Variants in ADAMTS19 observed in about 807,000 individuals in gnomAD.
ADAMTS19 encodes ADAM metallopeptidase with thrombospondin type 1 motif 19.
Under a neutral mutation model 153.3 loss-of-function variants are expected in ADAMTS19, and 93 were observed. The observed-to-expected ratio is 0.61, with a 90% CI of 0.51 to 0.72. The LOEUF is 0.72. ADAMTS19 is among the 30% of genes least tolerant of loss of function. The probability of loss-of-function intolerance (pLI) is 0.00; values close to 1 mark genes in which losing one functional copy is unlikely to be tolerated. For missense variants in ADAMTS19, 1,482 were observed against 1,552.1 expected, an observed-to-expected ratio of 0.95 and a Z score of 0.76; for synonymous variants, 600 against 556.6, an observed-to-expected ratio of 1.08 and a Z score of -1.10.
intron 10 of ADAMTS19, among the ~76,000 whole-genome samples, chr5:129,637,996 AG>A (rs1477863874): frequency 1.3e-5 from 2 of 152,154 alleles, no homozygotes; most frequent in African/African-American, 4.8e-5. Context: ...GGAAAGGAGC[AG>A]AAAAGGTAAT....
At chr5:129,629,039 C>G (rs1051319266) in intron 10 of ADAMTS19, among the ~76,000 whole-genome samples, 2 of 151,834 alleles carry the variant, frequency 1.3e-5, no homozygotes, top group African/African-American at 4.9e-5. Context: ...TGGAGTCACC[C>G]TACCTGGCAG....
At chr5:129,721,365 T>C (rs185086705) in intron 21 of ADAMTS19, among the ~76,000 whole-genome samples, 240 of 152,312 alleles carry the variant, frequency 1.6e-3, no homozygotes, top group Non-Finnish European at 2.8e-3. Context: ...CTTTATAACA[T>C]TGTGCTATTT....
intron 21 of ADAMTS19, among the ~76,000 whole-genome samples, chr5:129,732,050 T>G (rs1757463452): frequency 6.6e-6 from 1 of 152,096 alleles, no homozygotes; most frequent in African/African-American, 2.4e-5. Flanking sequence ...AAAAAACAAA[T>G]TTAGTGATAT....
chr5:129,466,197 C>G (rs1040864433), intron 2 of ADAMTS19, among the ~76,000 whole-genome samples: 10 of 152,196 alleles, frequency 6.6e-5, no homozygotes, highest in African/African-American at 2.4e-4. Context: ...CTGTTGGCTT[C>G]TTGCACTGAG....
chr5:129,572,131 A>C (rs1753933671), intron 7 of ADAMTS19, among the ~76,000 whole-genome samples: 1 of 151,930 alleles, frequency 6.6e-6, no homozygotes, highest in Non-Finnish European at 1.5e-5. Context: ...AGGAAAAATG[A>C]TAAACTGGAT....
Position 129,537,548 on chromosome 5 carries a change from T to C in ADAMTS19, c.1328+8871T>C, listed in dbSNP as rs535860332. On this transcript the variant is annotated intron_variant, in intron 6 of 22. Coordinates refer to ENST00000274487, the MANE Select transcript of ADAMTS19 (RefSeq NM_133638.6). ...ACCCAAATGTCCAACAATGATAGAC[T>C]GGATTAAGAAAATGTGGCACATCTA... 6.8e-3 allele frequency among the ~76,000 whole-genome samples: 1,033 copies of C among 151,496 alleles called. 10 individuals are homozygous for C. The highest frequency in any genetic ancestry group is 0.024 in the African/African-American group (994 of 41,272).
intron 16 of ADAMTS19, among the ~76,000 whole-genome samples, chr5:129,677,866 G>T (rs1754619534): frequency 6.6e-6 from 1 of 152,052 alleles, no homozygotes; most frequent in South Asian, 2.1e-4. Flanking sequence ...AGGCTGGAGT[G>T]CAGTGGCATG....
intron 7 of ADAMTS19, among the ~76,000 whole-genome samples, chr5:129,580,989 G>T (rs913374898): frequency 1.3e-5 from 2 of 152,142 alleles, no homozygotes; most frequent in African/African-American, 2.4e-5. Flanking sequence ...CTATTGTTGG[G>T]AGTAGTTTCA....
intron 2 of ADAMTS19, among the ~76,000 whole-genome samples, chr5:129,501,010 C>T (rs1284796665): frequency 6.6e-6 from 1 of 151,994 alleles, no homozygotes; most frequent in Non-Finnish European, 1.5e-5. Flanking sequence ...CGTATGCCCA[C>T]ACACAGATAC....
intron 2 of ADAMTS19, among the ~76,000 whole-genome samples, chr5:129,471,054 T>C (rs1371406562): frequency 1.7e-5 from 2 of 120,034 alleles, no homozygotes; most frequent in Non-Finnish European, 3.2e-5. Context: ...GGTGTGTAGA[T>C]ATCAGGATCA....
At chr5:129,472,444 G>A (rs961006406) in intron 2 of ADAMTS19, among the ~76,000 whole-genome samples, 2 of 152,058 alleles carry the variant, frequency 1.3e-5, no homozygotes, top group Non-Finnish European at 1.5e-5. Context: ...AATTAGATAC[G>A]TCCTGTCCTT....
rs1322471846 is a variant in ADAMTS19, at chr5:129,498,168, CTT to C, written c.748-10907_748-10906del. ...CTTGTATGTAGGTTTTCCTAATAGA[CTT>C]TACACTAATGACACCATTATTTATT... On this transcript the variant is annotated intron_variant, in intron 2 of 22. Coordinates refer to ENST00000274487, the MANE Select transcript of ADAMTS19 (RefSeq NM_133638.6). 2.0e-5 allele frequency among the ~76,000 whole-genome samples: 3 copies of C among 152,162 alleles called. No homozygotes were observed. In the East Asian group the frequency reaches 5.8e-4, roughly 29 times the overall value.
At chr5:129,681,432 T>G (rs1754806733) in intron 17 of ADAMTS19, among the ~76,000 whole-genome samples, 1 of 152,122 alleles carries the variant, frequency 6.6e-6, no homozygotes, top group Non-Finnish European at 1.5e-5. Flanking sequence ...AATAATAATA[T>G]CCATCATTCT....
chr5:129,724,841 C>A (rs1757140995), intron 21 of ADAMTS19, among the ~76,000 whole-genome samples: 1 of 152,084 alleles, frequency 6.6e-6, no homozygotes, highest in Admixed American at 6.6e-5. Flanking sequence ...CCACCCCACC[C>A]TAATCTTCTA....
chr5:129,529,568 G>C (rs1180102672), intron 6 of ADAMTS19, among the ~76,000 whole-genome samples: 3 of 152,144 alleles, frequency 2.0e-5, no homozygotes, highest in African/African-American at 7.2e-5. Flanking sequence ...ATTGGAGAAT[G>C]AACAGCATAA....
intron 9 of ADAMTS19, 75 bp downstream of exon 9, chr5:129,620,833 G>C: frequency 6.8e-7 from 1 of 1,481,412 alleles, no homozygotes; most frequent in Non-Finnish European, 9.1e-7. Context: ...AGAGAAGCCA[G>C]TGTGGCAAAG....
At chr5:129,572,664 G>T (rs1483395362) in intron 7 of ADAMTS19, among the ~76,000 whole-genome samples, 2 of 151,954 alleles carry the variant, frequency 1.3e-5, no homozygotes, top group Non-Finnish European at 2.9e-5. Flanking sequence ...AAAGAAGATA[G>T]TCTCAAAGGT....
chr5:129,650,134 T>C (rs1479213833), intron 13 of ADAMTS19, among the ~76,000 whole-genome samples: 1 of 152,086 alleles, frequency 6.6e-6, no homozygotes, highest in African/African-American at 2.4e-5. Context: ...TGGTGCCACT[T>C]TACTCTAGCC....
chr5:129,546,511 GA>G (rs1300754700), intron 6 of ADAMTS19, among the ~76,000 whole-genome samples: 3 of 150,682 alleles, frequency 2.0e-5, no homozygotes, highest in Non-Finnish European at 2.9e-5. Context: ...GCAAATGCAT[GA>G]AAAAAAGGCA....
Sources: gnomAD v4.1 joint callset for allele counts (sites outside exome capture counted in the v4.1 genomes callset) on GRCh38, gnomAD v4.1.1 for gene constraint, MANE v1.5 for transcripts, NCBI Gene and HGNC (gene_info 2026-07-23, HGNC 2026-07-21) for gene names.